The following SPOCK1 variants were observed in gnomAD, a reference collection of about 807,000 sequenced individuals.
SPOCK1 encodes the protein SPARC (osteonectin), cwcv and kazal like domains proteoglycan 1, also known as testican-1.
Under a neutral mutation model 55.3 loss-of-function variants are expected in SPOCK1, and 23 were observed. The observed-to-expected ratio is 0.42, with a 90% CI of 0.30 to 0.59. SPOCK1 has a LOEUF of 0.59. SPOCK1 is among the 20% of genes least tolerant of loss of function. The pLI, the probability that SPOCK1 is intolerant of heterozygous loss-of-function variation, is 0.22. For synonymous variants in SPOCK1, 226 were observed against 221.0 expected, an observed-to-expected ratio of 1.02 and a Z score of -0.20; for missense variants, 499 against 552.5, an observed-to-expected ratio of 0.90 and a Z score of 0.97.
rs376250046 is a variant in SPOCK1 at position 137,352,742 on chromosome 5, C to T, written c.187-85687G>A. On this transcript the variant is annotated intron_variant, in intron 2 of 10. Coordinates refer to ENST00000394945, the MANE Select transcript of SPOCK1 (RefSeq NM_004598.4). ...AATAACCTGAAAAGGCAGCCAGAAC[C>T]ATGCAGTCATAGACCTTGATAAGCT... 2.6e-5 allele frequency among the ~76,000 whole-genome samples: 4 copies of T among 152,260 alleles called. No individual in the cohort carries two copies. The East Asian group carries it at 7.7e-4, about 29-fold the overall frequency.
chr5:137,214,105 A>C (rs1422133073), intron 3 of SPOCK1, among the ~76,000 whole-genome samples: 1 of 152,224 alleles, frequency 6.6e-6, no homozygotes, highest in Non-Finnish European at 1.5e-5. Flanking sequence ...AAGAGTGAAA[A>C]TATTTCCAAA....
At chr5:137,096,723 T>C (rs1371095557) in intron 5 of SPOCK1, among the ~76,000 whole-genome samples, 4 of 152,188 alleles carry the variant, frequency 2.6e-5, no homozygotes, top group East Asian at 3.9e-4. Flanking sequence ...TCTGTAGTCA[T>C]AGTATCTTTT....
intron 2 of SPOCK1, among the ~76,000 whole-genome samples, chr5:137,453,754 A>G (rs1753307149): frequency 6.6e-6 from 1 of 152,164 alleles, no homozygotes. Flanking sequence ...TAGTGATGCA[A>G]TTTAAGGGGT....
intron 5 of SPOCK1, among the ~76,000 whole-genome samples, chr5:137,089,941 C>A (rs2127018819): frequency 6.6e-6 from 1 of 152,282 alleles, no homozygotes; most frequent in East Asian, 1.9e-4. Context: ...GCCAGGAAGG[C>A]CACAGAGGCC....
chr5:137,323,077 GC>G (rs747001907), intron 2 of SPOCK1, among the ~76,000 whole-genome samples: 1 of 152,030 alleles, frequency 6.6e-6, no homozygotes, highest in Non-Finnish European at 1.5e-5. Context: ...CTCTCATTAG[GC>G]CCCACCTCCA....
At chr5:137,436,086 A>T (rs1220452032) in intron 2 of SPOCK1, among the ~76,000 whole-genome samples, 2 of 152,124 alleles carry the variant, frequency 1.3e-5, no homozygotes, top group Non-Finnish European at 2.9e-5. Context: ...TGAACCCAGG[A>T]GGTGGAGGTT....
At chr5:137,480,307 A>T (rs1213212854) in intron 2 of SPOCK1, among the ~76,000 whole-genome samples, 2 of 88,984 alleles carry the variant, frequency 2.2e-5, no homozygotes, top group African/African-American at 8.4e-5. Flanking sequence ...TCTCCTTCAC[A>T]CACACACACA....
intron 2 of SPOCK1, among the ~76,000 whole-genome samples, chr5:137,480,850 G>C (rs908419161): frequency 1.3e-5 from 2 of 152,162 alleles, no homozygotes; most frequent in African/African-American, 4.8e-5. Flanking sequence ...TGTCATAAGA[G>C]AGACTCCTGA....
chr5:137,370,484 T>C (rs907138700), intron 2 of SPOCK1, among the ~76,000 whole-genome samples: 5 of 152,104 alleles, frequency 3.3e-5, no homozygotes, highest in Admixed American at 2.6e-4. Flanking sequence ...AAAGAGGAAA[T>C]AACTGGATAC....
intron 2 of SPOCK1, among the ~76,000 whole-genome samples, chr5:137,319,230 C>T (rs535859717): frequency 6.6e-6 from 1 of 152,332 alleles, no homozygotes; most frequent in South Asian, 2.1e-4. Flanking sequence ...CACAGATTTC[C>T]AGGGAAATTG....
intron 4 of SPOCK1, among the ~76,000 whole-genome samples, chr5:137,138,895 G>T (rs1319329740): frequency 2.0e-5 from 3 of 152,178 alleles, no homozygotes; most frequent in African/African-American, 7.2e-5. Context: ...TCAACATATT[G>T]TAGTAGTGAA....
intron 6 of SPOCK1, among the ~76,000 whole-genome samples, chr5:137,034,629 G>A (rs542385303): frequency 4.3e-4 from 66 of 152,330 alleles, no homozygotes; most frequent in South Asian, 1.2e-3. Flanking sequence ...AACTCGGGTT[G>A]TCTCAGAGAG....
At chr5:137,368,234 G>GA (rs1202499537) in intron 2 of SPOCK1, among the ~76,000 whole-genome samples, 17 of 152,168 alleles carry the variant, frequency 1.1e-4, no homozygotes, top group Non-Finnish European at 1.0e-4. Flanking sequence ...ATGAACATAT[G>GA]AAAAAACAGC....
intron 2 of SPOCK1, among the ~76,000 whole-genome samples, chr5:137,334,866 C>T (rs1580871960): frequency 7.9e-6 from 1 of 126,886 alleles, no homozygotes; most frequent in East Asian, 2.3e-4. Flanking sequence ...TGGTACTGAC[C>T]GATGGTATGA....
At chr5:137,445,829 C>A (rs956043978) in intron 2 of SPOCK1, among the ~76,000 whole-genome samples, 2 of 152,126 alleles carry the variant, frequency 1.3e-5, no homozygotes, top group Admixed American at 6.5e-5. Context: ...GCAGACTGGA[C>A]ATACAATCAC....
Position 137,273,408 on chromosome 5 carries a change from G to T in SPOCK1, c.187-6353C>A, listed in dbSNP as rs908774181. ...TCCTGAGTACGAAAGCATTATAAAT[G>T]AGAAAAAAATAAAAGAATCACATCA... is the stretch of plus-strand genomic sequence containing the variant. On this transcript the variant is annotated intron_variant, in intron 2 of 10. Transcript: ENST00000394945. 36 of 981,372 alleles carry T rather than the reference G, an allele frequency of 3.7e-5. No homozygotes were observed. In the African/African-American group the frequency reaches 6.0e-4, roughly 16 times the overall value. The allele number at this position is 981,372 out of a possible 1,614,324, so 60.8% of individuals were successfully genotyped here. A position where few individuals can be genotyped will look rare whatever the true frequency, so the allele number is the denominator to read the frequency against.
intron 2 of SPOCK1, among the ~76,000 whole-genome samples, chr5:137,364,173 C>G (rs1580887138): frequency 1.3e-5 from 2 of 152,338 alleles, no homozygotes; most frequent in Admixed American, 1.3e-4. Flanking sequence ...GCCTTTCTGA[C>G]TGAGGCTGCC....
intron 5 of SPOCK1, among the ~76,000 whole-genome samples, chr5:137,107,376 C>A (rs183384870): frequency 1.3e-5 from 2 of 152,148 alleles, no homozygotes; most frequent in Admixed American, 6.5e-5. Flanking sequence ...GAAATTACTA[C>A]GGCGATCCTT....
At position 137,152,688 on chromosome 5, in the gene SPOCK1, C is replaced by G. The variant is rs561104496; in HGVS notation, c.233-11994G>C. Among the ~76,000 whole-genome samples the G allele has an allele frequency of 7.9e-5, 12 of 152,206 alleles. No individual in the cohort carries two copies. In the South Asian group the frequency reaches 2.5e-3, roughly 32 times the overall value. ...TCTAATTTTTTTCTTTTAAAGGAGCCTCATGACTCTGTCTTCTACAGTCTG... is the reference window on the plus strand; with the variant it reads ...TCTAATTTTTTTCTTTTAAAGGAGCGTCATGACTCTGTCTTCTACAGTCTG... On this transcript the variant is annotated intron_variant, in intron 3 of 10. Coordinates refer to ENST00000394945, the MANE Select transcript of SPOCK1 (RefSeq NM_004598.4).
Sources: allele counts gnomAD v4.1 joint callset (sites outside exome capture counted in the v4.1 genomes callset), GRCh38; gene constraint gnomAD v4.1.1; transcripts MANE v1.5; gene names NCBI Gene and HGNC (gene_info 2026-07-23, HGNC 2026-07-21).